CDK14: variants seen among roughly 807,000 people sequenced by gnomAD.
CDK14 encodes the protein cyclin-dependent kinase 14.
CDK14 carries 34 observed loss-of-function variants against 60.7 expected under a neutral mutation model. That is an observed-to-expected ratio of 0.56 (90% confidence interval 0.43 to 0.75). The LOEUF (loss-of-function observed/expected upper bound fraction) is 0.75. CDK14 is among the 30% of genes least tolerant of loss of function. The pLI, the probability that CDK14 is intolerant of heterozygous loss-of-function variation, is 0.00. For missense variants in CDK14, 482 were observed against 564.1 expected (o/e 0.85, Z 1.47); for synonymous variants, 197 against 203.7 (o/e 0.97, Z 0.28).
chr7:90,966,522 G>A (rs1794755502), intron 9 of CDK14, among the ~76,000 whole-genome samples: 2 of 152,158 alleles, frequency 1.3e-5, no homozygotes, highest in African/African-American at 4.8e-5. Flanking sequence ...AGAGTGGAAA[G>A]GGGAGCTGAT....
intron 10 of CDK14, among the ~76,000 whole-genome samples, chr7:91,043,253 A>T (rs1449434789): frequency 6.6e-6 from 1 of 152,228 alleles, no homozygotes; most frequent in East Asian, 1.9e-4. Context: ...GCAGCCAGGA[A>T]AACAATTGTA....
intron 8 of CDK14, 137 bp downstream of exon 8, chr7:90,917,861 T>A: frequency 1.3e-6 from 1 of 777,036 alleles, no homozygotes; most frequent in Admixed American, 2.9e-5. Context: ...AATGAAGGAT[T>A]TTTTCTTTTT....
intron 3 of CDK14, 84 bp from the exon 4 acceptor site, chr7:90,747,597 C>A: frequency 1.4e-6 from 1 of 732,880 alleles, no homozygotes; most frequent in African/African-American, 1.9e-5. Flanking sequence ...GACAGAGAAT[C>A]TGTACATTTT....
chr7:90,690,550 A>G (rs1441627271), intron 2 of CDK14, among the ~76,000 whole-genome samples: 1 of 152,216 alleles, frequency 6.6e-6, no homozygotes, highest in Non-Finnish European at 1.5e-5. Context: ...GTATTATTAA[A>G]TAAAATACCA....
intron 14 of CDK14, among the ~76,000 whole-genome samples, chr7:91,130,082 C>G (rs900066707): frequency 2.0e-5 from 3 of 152,076 alleles, no homozygotes; most frequent in African/African-American, 7.2e-5. Context: ...AAGAATATAT[C>G]TGAAAGGGCT....
chr7:90,599,802 G>A (rs961147752), intron 1 of CDK14, among the ~76,000 whole-genome samples: 10 of 152,130 alleles, frequency 6.6e-5, no homozygotes, highest in Non-Finnish European at 1.5e-4. Flanking sequence ...TTGTTGTATG[G>A]TGAAATGTAC....
At chr7:90,728,941 AT>A (rs900603566) in intron 3 of CDK14, among the ~76,000 whole-genome samples, 3 of 151,212 alleles carry the variant, frequency 2.0e-5, no homozygotes, top group African/African-American at 7.3e-5. Context: ...TACCCAATTT[AT>A]TTTTTTTAGG....
chr7:90,739,108 T>G (rs1448280115), intron 3 of CDK14, among the ~76,000 whole-genome samples: 1 of 152,192 alleles, frequency 6.6e-6, no homozygotes, highest in Non-Finnish European at 1.5e-5. Flanking sequence ...TTTTGTAGAC[T>G]AGGAAAAGTT....
intron 8 of CDK14, among the ~76,000 whole-genome samples, chr7:90,945,919 C>T (rs1344760719): frequency 6.6e-6 from 1 of 152,160 alleles, no homozygotes; most frequent in Non-Finnish European, 1.5e-5. Context: ...ATCAAACTGT[C>T]TCTTCATCAG....
chr7:90,696,532 G>A (rs1176863787), intron 2 of CDK14, among the ~76,000 whole-genome samples: 1 of 151,916 alleles, frequency 6.6e-6, no homozygotes, highest in Non-Finnish European at 1.5e-5. Context: ...CCAGGCTTCT[G>A]TCAAACTCCT....
At chr7:91,156,417 G>A (rs544248586) in intron 14 of CDK14, among the ~76,000 whole-genome samples, 18 of 152,068 alleles carry the variant, frequency 1.2e-4, no homozygotes, top group East Asian at 7.7e-4. Context: ...TCTTTAGAAC[G>A]GCTGTTTGAC....
intron 2 of CDK14, among the ~76,000 whole-genome samples, chr7:90,663,719 C>T (rs1470318802): frequency 1.3e-5 from 2 of 151,978 alleles, no homozygotes; most frequent in Non-Finnish European, 2.9e-5. Flanking sequence ...AAGAGCTCCT[C>T]GATAATGTTT....
chr7:90,691,510 T>G, intron 2 of CDK14, among the ~76,000 whole-genome samples: 2 of 151,550 alleles, frequency 1.3e-5, no homozygotes, highest in Admixed American at 6.6e-5. Context: ...AAGGGGAGAG[T>G]AGTAGGAATT....
intron 10 of CDK14, among the ~76,000 whole-genome samples, chr7:91,036,450 A>G (rs973177775): frequency 1.3e-5 from 2 of 152,138 alleles, no homozygotes; most frequent in Non-Finnish European, 2.9e-5. Flanking sequence ...TCACAAGTCC[A>G]CTTAGATGTG....
At chr7:90,944,691 C>T (rs1023240792) in intron 8 of CDK14, among the ~76,000 whole-genome samples, 8 of 152,220 alleles carry the variant, frequency 5.3e-5, no homozygotes, top group Non-Finnish European at 1.2e-4. Flanking sequence ...GTGATTGTGC[C>T]ACAGCACTCC....
At chr7:91,000,683 G>T (rs1795813039) in intron 10 of CDK14, among the ~76,000 whole-genome samples, 1 of 152,172 alleles carries the variant, frequency 6.6e-6, no homozygotes, top group Admixed American at 6.5e-5. Flanking sequence ...AAAACAGAAA[G>T]ACAAAGATGA....
At chr7:91,013,413 A>G (rs1295070811) in intron 10 of CDK14, among the ~76,000 whole-genome samples, 1 of 152,216 alleles carries the variant, frequency 6.6e-6, no homozygotes, top group Non-Finnish European at 1.5e-5. Context: ...TTCATTACCT[A>G]TGACTAACAA....
chr7:91,099,744 T>C (rs1057289840), intron 12 of CDK14, among the ~76,000 whole-genome samples: 21 of 152,256 alleles, frequency 1.4e-4, no homozygotes, highest in African/African-American at 5.1e-4. Context: ...CAGGTAACAA[T>C]GGGATTTCAT....
intron 14 of CDK14, among the ~76,000 whole-genome samples, chr7:91,201,170 A>T (rs1802707416): frequency 6.6e-6 from 1 of 152,224 alleles, no homozygotes; most frequent in Non-Finnish European, 1.5e-5. Flanking sequence ...ACATAAAGCT[A>T]AATTTGATCA....
Sources: allele counts gnomAD v4.1 joint callset (sites outside exome capture counted in the v4.1 genomes callset), GRCh38; gene constraint gnomAD v4.1.1; transcripts MANE v1.5; gene names NCBI Gene and HGNC (gene_info 2026-07-23, HGNC 2026-07-21).